Variants in HMGCL observed in about 807,000 individuals in gnomAD.
The protein encoded by HMGCL is 3-hydroxy-3-methylglutaryl-CoA lyase.
HMGCL carries 26 observed loss-of-function variants against 37.3 expected under a neutral mutation model. That is an observed-to-expected ratio of 0.70 (90% CI 0.51 to 0.97). The LOEUF (loss-of-function observed/expected upper bound fraction) is 0.97. Among genes scored for constraint, HMGCL ranks in the 50% least tolerant of loss-of-function variants. The pLI, the probability that HMGCL is intolerant of heterozygous loss-of-function variation, is 0.00. For synonymous variants in HMGCL, 151 were observed against 148.0 expected (o/e 1.02, Z -0.15); for missense variants, 379 against 398.1 (o/e 0.95, Z 0.41).
chr1:23,815,929 A>C (rs1447493701), intron 4 of HMGCL, among the ~76,000 whole-genome samples: 5 of 149,520 alleles, frequency 3.3e-5, no homozygotes, highest in African/African-American at 1.2e-4. Flanking sequence ...CTTGAGAAAA[A>C]GCTTTTTTTT....
chr1:23,801,987 G>GT lies in HMGCL; in HGVS notation c.*475dup. Reference sequence around the variant, plus strand: ...GCTGGAGTTGGCAGACGGCCACCACGTAGCTCTCCACTTTCCACAAATGGC... The same window carrying GT: ...GCTGGAGTTGGCAGACGGCCACCACGTTAGCTCTCCACTTTCCACAAATGGC... On this transcript the variant is annotated 3_prime_UTR_variant, in exon 9 of 9. Transcript: ENST00000374490. The GT allele has an allele frequency of 2.3e-6, 1 of 429,076 alleles. No individual in the cohort carries two copies. The highest frequency in any genetic ancestry group is 4.1e-6 in the Non-Finnish European group (1 of 242,538). 26.6% of individuals were successfully genotyped at this position (429,076 alleles called of 1,614,324 possible).
intron 1 of HMGCL, among the ~76,000 whole-genome samples, chr1:23,820,810 G>A (rs1011771309): frequency 6.6e-6 from 1 of 152,138 alleles, no homozygotes; most frequent in Admixed American, 6.6e-5. Context: ...TTCCAGTACC[G>A]GTTCTCCCCT....
At position 23,813,980 on chromosome 1, in the gene HMGCL, C is replaced by A. The variant is rs146947712; in HGVS notation, c.497+210G>T. 1,440 of 612,210 alleles carry A rather than the reference C, an allele frequency of 2.4e-3. 22 individuals carry two copies. The highest frequency in any genetic ancestry group is 0.023 in the African/African-American group (1,272 of 54,658). 37.9% of individuals were successfully genotyped at this position (612,210 alleles called of 1,614,324 possible). ...TACAGGCGCATGCTATCATGGCTAGCTGGTAAACTGACCCAAAATTCAGGT... is the reference window on the plus strand; with the variant it reads ...TACAGGCGCATGCTATCATGGCTAGATGGTAAACTGACCCAAAATTCAGGT... On this transcript the variant is annotated intron_variant, in intron 5 of 8. Coordinates refer to ENST00000374490, the MANE Select transcript of HMGCL (RefSeq NM_000191.3).
chr1:23,821,129 G>T (rs375820975), intron 1 of HMGCL, among the ~76,000 whole-genome samples: 5 of 152,150 alleles, frequency 3.3e-5, no homozygotes, highest in African/African-American at 9.7e-5. Context: ...GCCGAAGCGG[G>T]CGATCACTTG....
intron 7 of HMGCL, 121 bp downstream of exon 7, chr1:23,808,014 A>G: frequency 2.2e-6 from 2 of 890,452 alleles, no homozygotes; most frequent in Non-Finnish European, 3.7e-6. Flanking sequence ...GACTGTGTCC[A>G]CCATTGCCAG....
intron 2 of HMGCL, among the ~76,000 whole-genome samples, chr1:23,819,255 C>T (rs1240318836): frequency 6.6e-6 from 1 of 152,032 alleles, no homozygotes; most frequent in Non-Finnish European, 1.5e-5. Flanking sequence ...AAATACAATT[C>T]CTTGGCCACA....
chr1:23,821,849 CT>C (rs1035612805), intron 1 of HMGCL, among the ~76,000 whole-genome samples: 3 of 152,006 alleles, frequency 2.0e-5, no homozygotes, highest in Admixed American at 6.6e-5. Flanking sequence ...CCTCATCTGG[CT>C]TTTTTTAAAA....
At position 23,806,893 on chromosome 1, in the gene HMGCL, G is replaced by A; in HGVS notation, c.750+1242C>T. 1 of 499,846 alleles carries A rather than the reference G, an allele frequency of 2.0e-6. No homozygotes were observed. Among genetic ancestry groups the A allele is most frequent in the Non-Finnish European group, 4.0e-6 (1 of 250,104 alleles). 31.0% of individuals were successfully genotyped at this position (499,846 alleles called of 1,614,324 possible). A position where few individuals can be genotyped will look rare whatever the true frequency, so the allele number is the denominator to read the frequency against. ...CTGTCTTCCCCACCCACCATAACAT[G>A]AGCTCCCAGAGGGCAGGGATTGGGT... is the stretch of plus-strand genomic sequence containing the variant. On this transcript the variant is annotated intron_variant, in intron 7 of 8. Transcript: ENST00000374490. The surrounding 1 kb of genome is among the most constrained non-coding windows in gnomAD (Gnocchi z 4.0).
In HMGCL at chr1:23,819,765, G is replaced by A. The variant is rs1056286868; in HGVS notation, c.144+745C>T. Reference sequence around the variant, plus strand: ...CACACACACACGCGCGCGTGCGTACGCGCACATGCACTATTTGTTTTTGTT... The same window carrying A: ...CACACACACACGCGCGCGTGCGTACACGCACATGCACTATTTGTTTTTGTT... On this transcript the variant is annotated intron_variant, in intron 2 of 8. Transcript: ENST00000374490. Among the ~76,000 whole-genome samples, 8 of 151,984 alleles carry A rather than the reference G, an allele frequency of 5.3e-5. No individual in the cohort carries two copies. The East Asian group carries it at 7.7e-4, about 15-fold the overall frequency.
At chr1:23,818,955 C>T (rs1638662273) in intron 2 of HMGCL, among the ~76,000 whole-genome samples, 1 of 118,388 alleles carries the variant, frequency 8.4e-6, no homozygotes, top group Non-Finnish European at 1.6e-5. Flanking sequence ...CGGGAACTTA[C>T]ACACTATTGT....
rs752576176 is a variant in HMGCL at position 23,810,803 on chromosome 1, T to C, written c.498-4A>G. 6.2e-7 allele frequency: 1 copy of C among 1,613,530 alleles called. No individual in the cohort carries two copies. The highest frequency in any genetic ancestry group is 2.2e-5 in the East Asian group (1 of 44,860). On this transcript the variant is annotated splice_region_variant and splice_polypyrimidine_tract_variant and intron_variant, in intron 5 of 8. Transcript: ENST00000374490. ...GCCAAGAGCACAGGAGACGTACCTG[T>C]GGGAAGACAGGGGAGGAATGAGGTC...
At chr1:23,823,583 C>A (rs546383007) in intron 1 of HMGCL, among the ~76,000 whole-genome samples, 1 of 152,172 alleles carries the variant, frequency 6.6e-6, no homozygotes, top group South Asian at 2.1e-4. Flanking sequence ...GAACTCCCGA[C>A]CTCAAGTGAT....
intron 7 of HMGCL, among the ~76,000 whole-genome samples, chr1:23,804,881 C>G (rs1210898089): frequency 7.9e-6 from 1 of 126,726 alleles, no homozygotes; most frequent in East Asian, 2.8e-4. Flanking sequence ...TTATTACCCC[C>G]CCCCCACTTA....
intron 2 of HMGCL, among the ~76,000 whole-genome samples, chr1:23,819,686 G>A (rs897477851): frequency 2.6e-5 from 4 of 152,158 alleles, no homozygotes; most frequent in African/African-American, 9.6e-5. Flanking sequence ...CCGAGATTGC[G>A]CCATTGCACT....
intron 8 of HMGCL, among the ~76,000 whole-genome samples, 157 bp from the exon 9 acceptor site, chr1:23,802,721 T>C (rs544587808): frequency 1.3e-5 from 2 of 152,328 alleles, no homozygotes; most frequent in South Asian, 4.1e-4. Context: ...TGTGAGCTCC[T>C]GTCTGTCTGG....
chr1:23,807,301 A>G (rs762123825), intron 7 of HMGCL: 1 of 513,864 alleles, frequency 1.9e-6, no homozygotes, highest in Admixed American at 2.0e-5. Flanking sequence ...AAATGAGGAG[A>G]CCACAGAACT....
intron 6 of HMGCL, among the ~76,000 whole-genome samples, chr1:23,808,669 C>T (rs1638457333): frequency 6.6e-6 from 1 of 151,978 alleles, no homozygotes; most frequent in African/African-American, 2.4e-5. Context: ...AAGTTGATTC[C>T]TTCCATGTCG....
chr1:23,814,562 C>A (rs905678026), intron 4 of HMGCL, among the ~76,000 whole-genome samples: 1 of 151,952 alleles, frequency 6.6e-6, no homozygotes, highest in Non-Finnish European at 1.5e-5. Context: ...GTAGAGACAG[C>A]GTTTCACCAT....
chr1:23,819,574 C>CA (rs1300332956), intron 2 of HMGCL, among the ~76,000 whole-genome samples: 2 of 151,782 alleles, frequency 1.3e-5, no homozygotes, highest in African/African-American at 4.8e-5. Context: ...ACTAAAAATA[C>CA]AAAAATTAGC....
Sources: gnomAD v4.1 joint callset for allele counts (sites outside exome capture counted in the v4.1 genomes callset) on GRCh38, gnomAD v4.1.1 for gene constraint, Gnocchi (gnomAD v3.1) non-coding constraint, MANE v1.5 for transcripts, NCBI Gene and HGNC (gene_info 2026-07-23, HGNC 2026-07-21) for gene names.